GAS2: variants seen among roughly 807,000 people sequenced by gnomAD.
GAS2 encodes growth arrest specific 2.
A neutral mutation model predicts 37.5 loss-of-function variants in GAS2; 20 were observed. The observed-to-expected ratio is 0.53, with a 90% confidence interval of 0.37 to 0.77. GAS2 has a LOEUF of 0.77. GAS2 is among the 30% of genes least tolerant of loss of function. GAS2 has a pLI of 0.00. For synonymous variants in GAS2, 144 were observed against 132.2 expected (o/e 1.09, Z -0.61); for missense variants, 336 against 373.4 (o/e 0.90, Z 0.82).
intron 7 of GAS2, among the ~76,000 whole-genome samples, chr11:22,790,220 C>A (rs949109957): frequency 6.6e-6 from 1 of 152,170 alleles, no homozygotes; most frequent in Non-Finnish European, 1.5e-5. Context: ...ATTCTAACAT[C>A]CACACCACCC....
intron 6 of GAS2, among the ~76,000 whole-genome samples, chr11:22,753,617 A>G (rs925179208): frequency 6.6e-6 from 1 of 152,086 alleles, no homozygotes; most frequent in Admixed American, 6.6e-5. Context: ...GCCTCAGGCC[A>G]TGTGCTTTCT....
chr11:22,641,497 C>A (rs1174243967), intron 1 of GAS2, among the ~76,000 whole-genome samples: 1 of 150,998 alleles, frequency 6.6e-6, no homozygotes, highest in African/African-American at 2.4e-5. Context: ...TCCCTCCCCC[C>A]CACACACCCC....
chr11:22,787,102 AT>A (rs1855852607), intron 7 of GAS2, among the ~76,000 whole-genome samples: 1 of 152,148 alleles, frequency 6.6e-6, no homozygotes. Flanking sequence ...GATATAATAC[AT>A]TTTTGAGCAT....
upstream of GAS2, among the ~76,000 whole-genome samples, chr11:22,665,772 T>A (rs545039835): frequency 5.3e-4 from 81 of 152,342 alleles, no homozygotes; most frequent in African/African-American, 1.3e-3. Flanking sequence ...GAATATTTTT[T>A]AAATTATATC....
chr11:22,760,796 G>T (rs370790801), intron 7 of GAS2, among the ~76,000 whole-genome samples: 141 of 152,166 alleles, frequency 9.3e-4, no homozygotes, highest in African/African-American at 3.3e-3. Flanking sequence ...TCAAATTTCT[G>T]ATGATCATTT....
At chr11:22,635,269 T>G (rs1237746926) in intron 1 of GAS2, among the ~76,000 whole-genome samples, 1 of 152,176 alleles carries the variant, frequency 6.6e-6, no homozygotes, top group African/African-American at 2.4e-5. Context: ...GCCTCCCACA[T>G]GCCAGCATAA....
intron 3 of GAS2, among the ~76,000 whole-genome samples, chr11:22,689,304 T>G (rs1295739829): frequency 2.0e-5 from 3 of 152,106 alleles, no homozygotes; most frequent in Non-Finnish European, 4.4e-5. Context: ...AAAATACCGA[T>G]TATGACCTCA....
chr11:22,632,182 T>C (rs1249189042), intron 1 of GAS2, among the ~76,000 whole-genome samples: 1 of 152,160 alleles, frequency 6.6e-6, no homozygotes, highest in African/African-American at 2.4e-5. Context: ...CCATTTTCAT[T>C]TCTAATTTAG....
At chr11:22,689,617 C>T (rs763222749) in intron 3 of GAS2, among the ~76,000 whole-genome samples, 18 of 152,020 alleles carry the variant, frequency 1.2e-4, no homozygotes, top group Non-Finnish European at 2.5e-4. Context: ...TTTTTCAGTC[C>T]ATTGTTGGTC....
intron 1 of GAS2, among the ~76,000 whole-genome samples, chr11:22,653,105 C>T (rs1218795161): frequency 6.8e-6 from 1 of 147,356 alleles, no homozygotes; most frequent in Non-Finnish European, 1.5e-5. Context: ...TCCTTCTTTC[C>T]TCCCTTCCTT....
chr11:22,735,244 T>TTTTTTC (rs1554976312), intron 4 of GAS2, among the ~76,000 whole-genome samples: 2 of 148,584 alleles, frequency 1.3e-5, no homozygotes, highest in African/African-American at 2.5e-5. Context: ...TTTTTTTTTT[T>TTTTTTC]GGTCCATTAG....
intron 3 of GAS2, among the ~76,000 whole-genome samples, chr11:22,708,734 G>C (rs924509667): frequency 9.9e-5 from 15 of 152,172 alleles, no homozygotes; most frequent in Admixed American, 6.5e-5. Context: ...AACAAAACCA[G>C]TCACTGTTCC....
intron 3 of GAS2, among the ~76,000 whole-genome samples, chr11:22,697,606 C>G (rs1371511969): frequency 1.3e-5 from 2 of 152,056 alleles, no homozygotes; most frequent in African/African-American, 4.8e-5. Flanking sequence ...TGTTTGTATC[C>G]TCTTTTATTT....
intron 6 of GAS2, among the ~76,000 whole-genome samples, chr11:22,752,447 A>G (rs934196290): frequency 3.3e-5 from 5 of 152,040 alleles, no homozygotes; most frequent in African/African-American, 1.2e-4. Flanking sequence ...TACATCTAAT[A>G]TAAAAGGAAA....
chr11:22,675,551 A>G (rs1406664380), intron 2 of GAS2, among the ~76,000 whole-genome samples: 1 of 152,160 alleles, frequency 6.6e-6, no homozygotes, highest in Non-Finnish European at 1.5e-5. Flanking sequence ...GTCTAGTCTA[A>G]CAGTACTTTT....
At chr11:22,744,596 A>T (rs185615270) in intron 5 of GAS2, among the ~76,000 whole-genome samples, 5 of 152,240 alleles carry the variant, frequency 3.3e-5, no homozygotes, top group African/African-American at 1.2e-4. Flanking sequence ...AAAATGCAAC[A>T]TCCCTTCATG....
At chr11:22,638,420 A>G (rs1217834180) in intron 1 of GAS2, among the ~76,000 whole-genome samples, 1 of 149,894 alleles carries the variant, frequency 6.7e-6, no homozygotes, top group African/African-American at 2.5e-5. Flanking sequence ...ATCTCGGCTC[A>G]CTGCAGCCTT....
chr11:22,798,082 G>A (rs1012552574), intron 7 of GAS2, among the ~76,000 whole-genome samples: 4 of 152,002 alleles, frequency 2.6e-5, no homozygotes, highest in African/African-American at 9.7e-5. Flanking sequence ...TTGCTTCTTA[G>A]CTAGGTGACC....
chr11:22,769,778 C>T (rs1032682), intron 7 of GAS2, among the ~76,000 whole-genome samples: 69,896 of 151,890 alleles, frequency 0.46, 16,338 homozygotes, highest in East Asian at 0.59. Flanking sequence ...TTTGAGTTAA[C>T]CTCTCTAATT....
Sources: gnomAD v4.1 joint callset for allele counts (sites outside exome capture counted in the v4.1 genomes callset) on GRCh38, gnomAD v4.1.1 for gene constraint, MANE v1.5 for transcripts, NCBI Gene and HGNC (gene_info 2026-07-23, HGNC 2026-07-21) for gene names.